Variants in STARD8 observed in about 807,000 individuals in gnomAD.
STARD8 encodes stAR-related lipid transfer protein 8.
Under a neutral mutation model 69.4 loss-of-function variants are expected in STARD8, and 25 were observed. The ratio of observed to expected loss-of-function variants is 0.36; its 90% CI spans 0.26 to 0.50. The LOEUF is 0.50. Among genes scored for constraint, STARD8 ranks in the 20% least tolerant of loss-of-function variants. The pLI is 0.96. For synonymous variants in STARD8, 389 were observed against 374.6 expected (o/e 1.04, Z -0.45); for missense variants, 921 against 932.5 (o/e 0.99, Z 0.16).
In STARD8 at chrX:68,721,516, C is replaced by A. The variant is rs776982018; in HGVS notation, c.2249-20C>A. On this transcript the variant is annotated intron_variant, in intron 9 of 14. Coordinates refer to ENST00000374599, the MANE Select transcript of STARD8 (RefSeq NM_001142503.3). ...CTCTGGGGAAGTAAGGAAGGCTCTT[C>A]TTCCATTGCTTCCTCACAGTCCTCC... is the stretch of plus-strand genomic sequence containing the variant. 5.8e-6 allele frequency: 7 copies of A among 1,205,368 alleles called. No individual in the cohort carries two copies. In the South Asian group the frequency reaches 1.3e-4, roughly 22 times the overall value.
intron 2 of STARD8, among the ~76,000 whole-genome samples, chrX:68,708,339 G>C (rs2080024221): frequency 8.9e-6 from 1 of 112,468 alleles, no homozygotes; most frequent in Non-Finnish European, 1.9e-5. Flanking sequence ...GAGAAATGTT[G>C]CTGCCTCTTT....
chrX:68,686,435 C>T (rs975808978), intron 2 of STARD8, among the ~76,000 whole-genome samples: 4 of 112,890 alleles, frequency 3.5e-5, no homozygotes, highest in African/African-American at 1.3e-4. Flanking sequence ...GCGGCGCCCG[C>T]GGACACATGG....
At chrX:68,649,691 C>T (rs1038011082) in intron 1 of STARD8, among the ~76,000 whole-genome samples, 7 of 111,402 alleles carry the variant, frequency 6.3e-5, no homozygotes, top group Non-Finnish European at 1.3e-4. Flanking sequence ...CTGATTGTTT[C>T]CCTATTTATT....
At chrX:68,649,207 G>C (rs770148178) in intron 1 of STARD8, among the ~76,000 whole-genome samples, 4 of 111,698 alleles carry the variant, frequency 3.6e-5, no homozygotes, top group African/African-American at 1.3e-4. Flanking sequence ...GAGGCTTAAA[G>C]GAAGAGAAGA....
At chrX:68,698,379 C>T (rs148555528) in intron 2 of STARD8, among the ~76,000 whole-genome samples, 2 of 111,383 alleles carry the variant, frequency 1.8e-5, no homozygotes, top group East Asian at 2.8e-4. Context: ...AAGGGTCTGC[C>T]GATGCTGGGT....
At chrX:68,661,824 C>A (rs1338358062) in intron 1 of STARD8, among the ~76,000 whole-genome samples, 2 of 110,054 alleles carry the variant, frequency 1.8e-5, no homozygotes, top group East Asian at 5.7e-4. Flanking sequence ...CACTGCCCAA[C>A]CCAGAACCTT....
Position 68,683,033 on chromosome X carries a change from C to T in STARD8, c.79+17501C>T, listed in dbSNP as rs143017815. 7.6e-3 allele frequency among the ~76,000 whole-genome samples: 857 copies of T among 112,526 alleles called. 3 individuals carry two copies. Among genetic ancestry groups the T allele is most frequent in the Non-Finnish European group, 0.012 (632 of 53,291 alleles). Reference sequence around the variant, plus strand: ...CCACCAGCCAGGAAACAGTCAGTTGCCAAATCTGAACGCTGGACCAGCCCT... The same window carrying T: ...CCACCAGCCAGGAAACAGTCAGTTGTCAAATCTGAACGCTGGACCAGCCCT... On this transcript the variant is annotated intron_variant, in intron 2 of 14. Coordinates refer to ENST00000374599, the MANE Select transcript of STARD8 (RefSeq NM_001142503.3).
At chrX:68,652,845 C>CA (rs2079559956) in intron 1 of STARD8, among the ~76,000 whole-genome samples, 2 of 39,699 alleles carry the variant, frequency 5.0e-5, no homozygotes, top group East Asian at 9.3e-4. Flanking sequence ...ACACACACCC[C>CA]CACACACCAC....
chrX:68,654,805 C>T (rs765327592), intron 1 of STARD8, among the ~76,000 whole-genome samples: 66 of 112,049 alleles, frequency 5.9e-4, no homozygotes, highest in African/African-American at 2.0e-3. Context: ...ATACCCCAGC[C>T]CCTCTCTGCC....
At chrX:68,648,471 C>T (rs2079528332) in intron 1 of STARD8, among the ~76,000 whole-genome samples, 1 of 111,041 alleles carries the variant, frequency 9.0e-6, no homozygotes, top group Admixed American at 9.5e-5. Flanking sequence ...TACACAAAGA[C>T]AAAAAAGGGC....
At chrX:68,649,586 G>C (rs2079534721) in intron 1 of STARD8, among the ~76,000 whole-genome samples, 1 of 111,126 alleles carries the variant, frequency 9.0e-6, no homozygotes, top group South Asian at 3.8e-4. Flanking sequence ...TCCTTCCTGT[G>C]GGGGTGGGGA....
At chrX:68,663,859 T>G (rs747574057) in intron 1 of STARD8, among the ~76,000 whole-genome samples, 20 of 111,953 alleles carry the variant, frequency 1.8e-4, no homozygotes, top group Non-Finnish European at 3.6e-4. Flanking sequence ...GCCGATCTCA[T>G]TCTAGAACTT....
At chrX:68,688,852 G>A (rs2079854006) in intron 2 of STARD8, among the ~76,000 whole-genome samples, 1 of 102,587 alleles carries the variant, frequency 9.7e-6, no homozygotes, top group African/African-American at 3.6e-5. Context: ...CCACCCCCGT[G>A]CTCTGCAGAA....
At chrX:68,685,215 A>T (rs1403631208) in intron 2 of STARD8, among the ~76,000 whole-genome samples, 1 of 111,966 alleles carries the variant, frequency 8.9e-6, no homozygotes, top group Non-Finnish European at 1.9e-5. Flanking sequence ...AAGCACATTC[A>T]TTATTCCCAT....
intron 1 of STARD8, among the ~76,000 whole-genome samples, chrX:68,650,245 G>T (rs2079538284): frequency 9.4e-6 from 1 of 106,521 alleles, no homozygotes; most frequent in Admixed American, 1.0e-4. Flanking sequence ...GCAATAATGA[G>T]ACCCTTTATG....
chrX:68,657,298 G>A (rs746408416), intron 1 of STARD8, among the ~76,000 whole-genome samples: 3 of 111,730 alleles, frequency 2.7e-5, no homozygotes, highest in Admixed American at 9.5e-5. Flanking sequence ...GTGTGTGTGG[G>A]GGAGTTTCCT....
At chrX:68,683,429 C>T (rs959540392) in intron 2 of STARD8, among the ~76,000 whole-genome samples, 1 of 111,857 alleles carries the variant, frequency 8.9e-6, no homozygotes, top group African/African-American at 3.3e-5. Context: ...AATGCTGGCT[C>T]ACATGACAAA....
At chrX:68,659,913 C>T (rs973493272) in intron 1 of STARD8, among the ~76,000 whole-genome samples, 6 of 111,156 alleles carry the variant, frequency 5.4e-5, no homozygotes, top group Non-Finnish European at 7.6e-5. Context: ...GAAAAGCGTC[C>T]GAGGGAGTAG....
chrX:68,653,093 C>A (rs1488155137), intron 1 of STARD8, among the ~76,000 whole-genome samples: 3 of 7,392 alleles, frequency 4.1e-4, no homozygotes, highest in East Asian at 4.1e-3. Flanking sequence ...CACCACACAC[C>A]ACACACACCA....
Sources: gnomAD v4.1 joint callset for allele counts (sites outside exome capture counted in the v4.1 genomes callset) on GRCh38, gnomAD v4.1.1 for gene constraint, MANE v1.5 for transcripts, NCBI Gene and HGNC (gene_info 2026-07-23, HGNC 2026-07-21) for gene names.